Variants in CPVL observed in about 807,000 individuals in gnomAD.
The protein encoded by CPVL is carboxypeptidase vitellogenic like.
Under a neutral mutation model 63.7 loss-of-function variants are expected in CPVL, and 51 were observed. The ratio of observed to expected loss-of-function variants is 0.80; its 90% CI spans 0.64 to 1.01. The LOEUF (loss-of-function observed/expected upper bound fraction) is 1.01. CPVL is among the 50% of genes least tolerant of loss of function. The pLI is 0.00. For missense variants in CPVL, 530 were observed against 573.1 expected (o/e 0.92, Z 0.77); for synonymous variants, 195 against 206.0 (o/e 0.95, Z 0.46).
chr7:29,181,916 T>G (rs1236224850), intron 4 of CPVL, among the ~76,000 whole-genome samples: 1 of 152,202 alleles, frequency 6.6e-6, no homozygotes, highest in African/African-American at 2.4e-5. Flanking sequence ...GGATGATTTC[T>G]TTTTTTGTTT....
intron 11 of CPVL, among the ~76,000 whole-genome samples, chr7:29,051,102 C>T (rs573590792): frequency 1.3e-5 from 2 of 152,220 alleles, no homozygotes; most frequent in East Asian, 3.9e-4. Context: ...AAAATCAACT[C>T]AAGATTGATT....
chr7:29,126,442 A>G (rs2128649630), intron 1 of CPVL: 1 of 152,354 alleles, frequency 6.6e-6, no homozygotes, highest in Admixed American at 6.5e-5. Context: ...CGACCTGACC[A>G]TCAGAAGAGA....
chr7:29,078,130 A>C (rs1175628244), intron 7 of CPVL, among the ~76,000 whole-genome samples: 1 of 152,240 alleles, frequency 6.6e-6, no homozygotes, highest in Admixed American at 6.5e-5. Flanking sequence ...TTCCAACAAG[A>C]ATATGACTTT....
intron 9 of CPVL, among the ~76,000 whole-genome samples, chr7:29,068,695 T>C (rs1328352219): frequency 6.7e-6 from 1 of 149,584 alleles, no homozygotes; most frequent in Non-Finnish European, 1.5e-5. Flanking sequence ...TTTTTTTTTC[T>C]TTGTTTTTTT....
intron 1 of CPVL, among the ~76,000 whole-genome samples, chr7:29,135,527 T>C (rs1791117956): frequency 6.6e-6 from 1 of 151,776 alleles, no homozygotes; most frequent in African/African-American, 2.4e-5. Flanking sequence ...AGAGACGGGG[T>C]TTCACCATGT....
intron 1 of CPVL, among the ~76,000 whole-genome samples, chr7:29,125,551 C>A (rs1201821916): frequency 6.6e-6 from 1 of 152,132 alleles, no homozygotes; most frequent in Non-Finnish European, 1.5e-5. Flanking sequence ...CACCACTACA[C>A]CTAGCTAATT....
At chr7:29,144,558 A>G (rs1280065928) in intron 1 of CPVL, among the ~76,000 whole-genome samples, 1 of 152,148 alleles carries the variant, frequency 6.6e-6, no homozygotes, top group African/African-American at 2.4e-5. Flanking sequence ...TCTTGTCTCA[A>G]AAAAAGAAAG....
intron 12 of CPVL, chr7:29,001,205 G>C (rs916375617): frequency 1.3e-5 from 2 of 152,114 alleles, no homozygotes; most frequent in African/African-American, 4.8e-5. Context: ...CCCATTTCAG[G>C]CTTCTGACAT....
At chr7:29,100,923 G>A (rs985916364) in intron 3 of CPVL, among the ~76,000 whole-genome samples, 10 of 152,276 alleles carry the variant, frequency 6.6e-5, no homozygotes, top group African/African-American at 1.9e-4. Flanking sequence ...AAGTATATGT[G>A]TTCAATGCCA....
chr7:29,051,642 T>C (rs1481707374), intron 11 of CPVL, among the ~76,000 whole-genome samples: 1 of 152,118 alleles, frequency 6.6e-6, no homozygotes, highest in African/African-American at 2.4e-5. Context: ...TTCTACACTG[T>C]TGGTGGGAAT....
chr7:29,167,940 C>G (rs913027884), intron 5 of CPVL, among the ~76,000 whole-genome samples: 2 of 152,164 alleles, frequency 1.3e-5, no homozygotes, highest in East Asian at 3.9e-4. Context: ...CCTACAACAT[C>G]GGAGGTAACT....
rs138366960 is a variant in CPVL, at chr7:29,115,311, G to C, written c.170-2489C>G. ...CAGCCTGGTTCTCCCAGGGAAGATT[G>C]CTTAATGCAACCTCTGTTGGTCTTC... On this transcript the variant is annotated intron_variant, in intron 2 of 12. Coordinates refer to ENST00000265394, the MANE Select transcript of CPVL (RefSeq NM_031311.5). Among the ~76,000 whole-genome samples, 1,228 of 152,292 alleles carry C rather than the reference G, an allele frequency of 8.1e-3. 14 individuals are homozygous for C. Among genetic ancestry groups the C allele is most frequent in the Non-Finnish European group, 0.012 (800 of 68,020 alleles).
chr7:29,047,775 T>C (rs1789767650), intron 11 of CPVL, among the ~76,000 whole-genome samples: 1 of 152,112 alleles, frequency 6.6e-6, no homozygotes, highest in South Asian at 2.1e-4. Context: ...AGAAAGAATC[T>C]TAAGAGCTGT....
chr7:29,089,880 G>C (rs1322353942), intron 6 of CPVL, among the ~76,000 whole-genome samples: 1 of 143,294 alleles, frequency 7.0e-6, no homozygotes, highest in African/African-American at 2.6e-5. Context: ...TTTTTTAATT[G>C]AGATGGAGTT....
At chr7:29,154,324 A>T (rs245897) in intron 5 of CPVL, among the ~76,000 whole-genome samples, 1 of 151,982 alleles carries the variant, frequency 6.6e-6, no homozygotes, top group Non-Finnish European at 1.5e-5. Context: ...ATTCGTATGC[A>T]GTGAATCAGC....
At chr7:29,153,275 GAAAT>G (rs1447113296) in intron 5 of CPVL, among the ~76,000 whole-genome samples, 1 of 152,182 alleles carries the variant, frequency 6.6e-6, no homozygotes, top group Non-Finnish European at 1.5e-5. Flanking sequence ...GGCAGGCTTG[GAAAT>G]AAATAAACAT....
chr7:29,078,157 C>A lies in CPVL; in HGVS notation c.610-5734G>T, dbSNP rs1033196806. On this transcript the variant is annotated intron_variant, in intron 7 of 12. Transcript: ENST00000265394. The stretch of plus-strand genomic sequence containing the variant: ...TATGACTTTATCAAAGTATCTATTT[C>A]TTTTTTAATATGGGCTTAAAAAGAA... Among the ~76,000 whole-genome samples the A allele has an allele frequency of 2.0e-5, 3 of 152,092 alleles. No homozygotes were observed. In the East Asian group the frequency reaches 5.8e-4, roughly 29 times the overall value.
chr7:28,994,671 A>G (rs1449409054), downstream of CPVL, among the ~76,000 whole-genome samples: 1 of 152,248 alleles, frequency 6.6e-6, no homozygotes, highest in Non-Finnish European at 1.5e-5. Context: ...GACTTCTAGG[A>G]CATGGGTACA....
At chr7:29,016,833 C>T (rs964522729) in intron 12 of CPVL, among the ~76,000 whole-genome samples, 10 of 152,186 alleles carry the variant, frequency 6.6e-5, no homozygotes, top group African/African-American at 2.4e-4. Context: ...CATTCCAAAC[C>T]TTATTCCCCA....
Sources: gnomAD v4.1 joint callset for allele counts (sites outside exome capture counted in the v4.1 genomes callset) on GRCh38, gnomAD v4.1.1 for gene constraint, MANE v1.5 for transcripts, NCBI Gene and HGNC (gene_info 2026-07-23, HGNC 2026-07-21) for gene names.